The following MYRFL variants were observed in gnomAD, a reference collection of about 807,000 sequenced individuals.
MYRFL encodes the protein myelin regulatory factor-like protein.
A neutral mutation model predicts 109.4 loss-of-function variants in MYRFL; 88 were observed. That is an observed-to-expected ratio of 0.80 (90% confidence interval 0.68 to 0.96). The LOEUF (loss-of-function observed/expected upper bound fraction) is 0.96, where lower values mean the gene tolerates loss of function less well. Among genes scored for constraint, MYRFL ranks in the 40% least tolerant of loss-of-function variants. The probability of loss-of-function intolerance (pLI) is 0.00; values close to 1 mark genes in which losing one functional copy is unlikely to be tolerated. For missense variants in MYRFL, 957 were observed against 954.9 expected (o/e 1.00, Z -0.03); for synonymous variants, 324 against 320.9 (o/e 1.01, Z -0.10).
intron 7 of MYRFL, among the ~76,000 whole-genome samples, chr12:69,891,690 G>GTTCTTTCTTTCT (rs1199658772): frequency 6.7e-5 from 3 of 44,648 alleles, no homozygotes; most frequent in African/African-American, 2.1e-4. Flanking sequence ...TCTTTCGTTC[G>GTTCTTTCTTTCT]TTCGTTCTTT....
chr12:69,939,731 G>A (rs1373490147), intron 19 of MYRFL, among the ~76,000 whole-genome samples: 2 of 151,898 alleles, frequency 1.3e-5, no homozygotes, highest in South Asian at 2.1e-4. Flanking sequence ...GGCTTCAGAC[G>A]ATCAAATTAC....
intron 13 of MYRFL, among the ~76,000 whole-genome samples, chr12:69,918,284 G>T (rs982403599): frequency 8.5e-5 from 13 of 152,072 alleles, no homozygotes; most frequent in African/African-American, 2.9e-4. Context: ...AGTTTGTATG[G>T]AATGAGAAAC....
chr12:69,877,700 A>G (rs937084771), intron 2 of MYRFL, among the ~76,000 whole-genome samples: 2 of 152,198 alleles, frequency 1.3e-5, no homozygotes, highest in African/African-American at 4.8e-5. Context: ...TGAATAAATT[A>G]TAAAGAACTA....
intron 2 of MYRFL, among the ~76,000 whole-genome samples, chr12:69,863,928 G>T (rs768320426): frequency 2.0e-5 from 3 of 152,120 alleles, no homozygotes; most frequent in Non-Finnish European, 4.4e-5. Flanking sequence ...TGAAATACTT[G>T]GTCATTAGAG....
At chr12:69,860,753 G>T (rs1884602833) in intron 2 of MYRFL, among the ~76,000 whole-genome samples, 1 of 150,464 alleles carries the variant, frequency 6.6e-6, no homozygotes. Flanking sequence ...TTTTATTATT[G>T]TTATACTTTA....
chr12:69,873,361 G>A (rs902185205), intron 2 of MYRFL, among the ~76,000 whole-genome samples: 2 of 152,174 alleles, frequency 1.3e-5, no homozygotes, highest in African/African-American at 4.8e-5. Flanking sequence ...GGTTGGACAA[G>A]CTTGCAGTAG....
At chr12:69,952,457 C>T (rs1393436455) in intron 20 of MYRFL, among the ~76,000 whole-genome samples, 1 of 152,178 alleles carries the variant, frequency 6.6e-6, no homozygotes, top group African/African-American at 2.4e-5. Flanking sequence ...TTTAGTTTGT[C>T]TTCTGTTTTC....
intron 5 of MYRFL, among the ~76,000 whole-genome samples, chr12:69,880,821 G>A (rs547351892): frequency 2.6e-3 from 402 of 152,288 alleles, no homozygotes; most frequent in Non-Finnish European, 4.2e-3. Context: ...ACTAGAACAG[G>A]GAGGTGGAAA....
At chr12:69,833,678 G>T (rs1882767821) in intron 1 of MYRFL, among the ~76,000 whole-genome samples, 2 of 152,172 alleles carry the variant, frequency 1.3e-5, no homozygotes, top group South Asian at 4.1e-4. Flanking sequence ...TTAGGTATGT[G>T]AAGTGCTTAG....
intron 11 of MYRFL, chr12:69,904,073 A>AT: frequency 2.2e-6 from 1 of 447,526 alleles, no homozygotes; most frequent in East Asian, 3.4e-5. Context: ...CAGTGGGCAA[A>AT]GACAGCATGT....
At chr12:69,880,949 C>CCGTTTTTTTTTT (rs1379691821) in intron 5 of MYRFL, among the ~76,000 whole-genome samples, 8 of 30,222 alleles carry the variant, frequency 2.6e-4, no homozygotes, top group Non-Finnish European at 2.2e-4. Context: ...GTCAGCCTTC[C>CCGTTTTTTTTTT]TGTTTTTTTT....
rs542409481 is a variant in MYRFL at position 69,954,971 on chromosome 12, T to TATTA, written c.2376-391_2376-388dup. Among the ~76,000 whole-genome samples, 303 of 152,302 alleles carry TATTA rather than the reference T, an allele frequency of 2.0e-3. 1 individual carries two copies. Among genetic ancestry groups the TATTA allele is most frequent in the Non-Finnish European group, 2.9e-3 (194 of 68,002 alleles). Reference sequence around the variant, plus strand: ...TGATTTAGGGTAGAAAAAATGTATTTATTATTCTAGGGGCATTATTAGTTT... The same window carrying TATTA: ...TGATTTAGGGTAGAAAAAATGTATTTATTAATTATTCTAGGGGCATTATTAGTTT... On this transcript the variant is annotated intron_variant, in intron 21 of 24. Transcript: ENST00000552032.
chr12:69,944,061 T>C (rs372818034), intron 19 of MYRFL, among the ~76,000 whole-genome samples: 2 of 150,288 alleles, frequency 1.3e-5, no homozygotes, highest in East Asian at 2.0e-4. Context: ...TGTGGAGAAA[T>C]AGGAACACTT....
At chr12:69,917,097 G>T (rs932680067) in intron 13 of MYRFL, among the ~76,000 whole-genome samples, 3 of 152,086 alleles carry the variant, frequency 2.0e-5, no homozygotes, top group African/African-American at 7.2e-5. Flanking sequence ...CAGCCCTAAA[G>T]ACTCTTCAGA....
chr12:69,922,753 G>A lies in MYRFL; in HGVS notation c.1603-3818G>A, dbSNP rs533120898. Among the ~76,000 whole-genome samples the A allele has an allele frequency of 2.0e-5, 3 of 152,158 alleles. 1 individual carries two copies. The South Asian group carries it at 6.2e-4, about 32-fold the overall frequency. On this transcript the variant is annotated intron_variant, in intron 13 of 24. Coordinates refer to ENST00000552032, the MANE Select transcript of MYRFL (RefSeq NM_182530.3). ...TTTCTTAATATTATCAAATCCAGTTGGTGTTGAAATTTCCCCAATTGTTTT... is the reference window on the plus strand; with the variant it reads ...TTTCTTAATATTATCAAATCCAGTTAGTGTTGAAATTTCCCCAATTGTTTT...
At chr12:69,949,378 G>A (rs1487242595) in intron 19 of MYRFL, among the ~76,000 whole-genome samples, 6 of 152,118 alleles carry the variant, frequency 3.9e-5, no homozygotes, top group African/African-American at 9.7e-5. Flanking sequence ...ACATTCATCT[G>A]AATGGTTACC....
At chr12:69,864,660 CACACACACAA>C (rs756320148) in intron 2 of MYRFL, among the ~76,000 whole-genome samples, 16,799 of 53,778 alleles carry the variant, frequency 0.31, 1,236 homozygotes, top group East Asian at 0.55. Flanking sequence ...CACACACACA[CACACACACAA>C]ACACACACAC....
At chr12:69,836,185 CGGCATGCCGGTGTG>C (rs1430808310) in intron 1 of MYRFL, among the ~76,000 whole-genome samples, 1 of 152,182 alleles carries the variant, frequency 6.6e-6, no homozygotes. Context: ...AGGGGCTAGC[CGGCATGCCGGTGTG>C]GGTCCATTCC....
At chr12:69,896,520 G>A (rs753752797) in intron 9 of MYRFL, among the ~76,000 whole-genome samples, 4 of 152,214 alleles carry the variant, frequency 2.6e-5, no homozygotes, top group Non-Finnish European at 2.9e-5. Context: ...TGTCTCATCA[G>A]TGGTACGTAT....
Sources: gnomAD v4.1 joint callset for allele counts (sites outside exome capture counted in the v4.1 genomes callset) on GRCh38, gnomAD v4.1.1 for gene constraint, MANE v1.5 for transcripts, NCBI Gene and HGNC (gene_info 2026-07-23, HGNC 2026-07-21) for gene names.